MAMDC2: variants seen among roughly 807,000 people sequenced by gnomAD.
MAMDC2 encodes MAM domain-containing protein 2.
MAMDC2 carries 57 observed loss-of-function variants against 89.8 expected under a neutral mutation model. That is an observed-to-expected ratio of 0.63 (90% confidence interval 0.51 to 0.79). The LOEUF is 0.79. MAMDC2 is among the 30% of genes least tolerant of loss of function. The probability of loss-of-function intolerance (pLI) is 0.00; values close to 1 mark genes in which losing one functional copy is unlikely to be tolerated. For missense variants in MAMDC2, 800 were observed against 820.6 expected (o/e 0.97, Z 0.31); for synonymous variants, 313 against 293.4 (o/e 1.07, Z -0.68).
chr9:70,189,733 A>G (rs2032838772), intron 11 of MAMDC2, among the ~76,000 whole-genome samples: 1 of 151,270 alleles, frequency 6.6e-6, no homozygotes, highest in Non-Finnish European at 1.5e-5. Flanking sequence ...GGTACACTTG[A>G]TGGTGTGTCT....
At chr9:70,198,682 G>C (rs200661597) in intron 11 of MAMDC2, among the ~76,000 whole-genome samples, 1 of 152,028 alleles carries the variant, frequency 6.6e-6, no homozygotes, top group East Asian at 1.9e-4. Flanking sequence ...TTCTTTTGTA[G>C]TACAGTTAAA....
At chr9:70,055,589 T>A (rs1157969388) in intron 2 of MAMDC2, among the ~76,000 whole-genome samples, 1 of 152,154 alleles carries the variant, frequency 6.6e-6, no homozygotes, top group African/African-American at 2.4e-5. Context: ...TGTCCCAACA[T>A]TACAACTCCT....
chr9:70,208,477 T>C (rs1463088498), intron 11 of MAMDC2, among the ~76,000 whole-genome samples: 2 of 152,230 alleles, frequency 1.3e-5, no homozygotes, highest in Non-Finnish European at 2.9e-5. Context: ...TTTTGCACAT[T>C]GATTTTGTAT....
chr9:70,102,452 A>G (rs1828221319), intron 2 of MAMDC2, among the ~76,000 whole-genome samples: 1 of 152,184 alleles, frequency 6.6e-6, no homozygotes. Context: ...ACTTAGACCT[A>G]CCATGCTGTG....
At chr9:70,216,627 A>T (rs1373034905) in intron 11 of MAMDC2, among the ~76,000 whole-genome samples, 1 of 152,220 alleles carries the variant, frequency 6.6e-6, no homozygotes, top group Non-Finnish European at 1.5e-5. Flanking sequence ...ATGTAACACC[A>T]AACAAGGCAA....
chr9:70,191,482 A>C (rs201409223), intron 11 of MAMDC2, among the ~76,000 whole-genome samples: 8 of 151,158 alleles, frequency 5.3e-5, no homozygotes, highest in South Asian at 2.1e-4. Flanking sequence ...TGTTACCCCC[A>C]CCCCCATCCC....
intron 9 of MAMDC2, among the ~76,000 whole-genome samples, chr9:70,144,849 T>G (rs748006954): frequency 6.6e-6 from 1 of 152,224 alleles, no homozygotes; most frequent in African/African-American, 2.4e-5. Context: ...ATCATAGCTG[T>G]GTCCATCTAT....
intron 11 of MAMDC2, among the ~76,000 whole-genome samples, chr9:70,201,900 TC>T (rs1404664443): frequency 7.8e-5 from 11 of 140,744 alleles, no homozygotes; most frequent in African/African-American, 3.0e-4. Flanking sequence ...GGTGGTGATA[TC>T]CCCTTTATCA....
At chr9:70,128,158 C>G (rs2030645592) in intron 6 of MAMDC2, among the ~76,000 whole-genome samples, 1 of 152,202 alleles carries the variant, frequency 6.6e-6, no homozygotes, top group South Asian at 2.1e-4. Flanking sequence ...TCATCACATT[C>G]TCAAGTGAAT....
At chr9:70,056,512 T>C (rs953403957) in intron 2 of MAMDC2, among the ~76,000 whole-genome samples, 2 of 152,206 alleles carry the variant, frequency 1.3e-5, no homozygotes, top group African/African-American at 4.8e-5. Context: ...ATATAAAATA[T>C]TTAAACTACT....
At chr9:70,060,975 C>A (rs1827137243) in intron 2 of MAMDC2, among the ~76,000 whole-genome samples, 1 of 152,188 alleles carries the variant, frequency 6.6e-6, no homozygotes, top group Non-Finnish European at 1.5e-5. Flanking sequence ...CAGTGTGGAG[C>A]TCCCAAAGCA....
At chr9:70,070,519 G>A (rs1341158583) in intron 2 of MAMDC2, among the ~76,000 whole-genome samples, 3 of 152,162 alleles carry the variant, frequency 2.0e-5, no homozygotes, top group African/African-American at 7.2e-5. Flanking sequence ...TGTAGGTGTT[G>A]AGCAACATCC....
intron 9 of MAMDC2, among the ~76,000 whole-genome samples, chr9:70,150,816 C>T (rs903447283): frequency 1.3e-5 from 2 of 152,172 alleles, no homozygotes; most frequent in East Asian, 3.8e-4. Flanking sequence ...GCTGGATCTT[C>T]TCTTCCATCT....
chr9:70,162,124 G>A (rs2031994601), intron 9 of MAMDC2, among the ~76,000 whole-genome samples: 1 of 152,146 alleles, frequency 6.6e-6, no homozygotes, highest in South Asian at 2.1e-4. Context: ...CATTCAATTG[G>A]TAAAGTAGAT....
At chr9:70,217,213 A>G in intron 11 of MAMDC2, 1 of 785,600 alleles carries the variant, frequency 1.3e-6, no homozygotes, top group South Asian at 1.4e-5. Flanking sequence ...CGAGCTGTGC[A>G]GTTTTAGTGG....
At chr9:70,205,098 T>G (rs2033196712) in intron 11 of MAMDC2, among the ~76,000 whole-genome samples, 1 of 152,244 alleles carries the variant, frequency 6.6e-6, no homozygotes, top group Admixed American at 6.5e-5. Context: ...TTTTTAATTA[T>G]GTTAGTTTCT....
intron 11 of MAMDC2, among the ~76,000 whole-genome samples, chr9:70,198,144 CAT>C (rs947595219): frequency 1.2e-4 from 17 of 138,016 alleles, no homozygotes; most frequent in African/African-American, 4.3e-4. Context: ...TAGAAAAAAG[CAT>C]AGTGTGTATG....
chr9:70,070,984 A>G (rs1193633420), intron 2 of MAMDC2, among the ~76,000 whole-genome samples: 4 of 152,182 alleles, frequency 2.6e-5, no homozygotes, highest in African/African-American at 9.6e-5. Context: ...TTGCATATCA[A>G]TGGTCATTTA....
At chr9:70,046,521 G>A (rs1826757076) in intron 2 of MAMDC2, among the ~76,000 whole-genome samples, 1 of 152,216 alleles carries the variant, frequency 6.6e-6, no homozygotes, top group Non-Finnish European at 1.5e-5. Context: ...CCTCTGTCAG[G>A]ATGGGGGCCC....
Sources: gnomAD v4.1 joint callset for allele counts (sites outside exome capture counted in the v4.1 genomes callset) on GRCh38, gnomAD v4.1.1 for gene constraint, MANE v1.5 for transcripts, NCBI Gene and HGNC (gene_info 2026-07-23, HGNC 2026-07-21) for gene names.